Variants in OTOG observed in about 807,000 individuals in gnomAD.
The protein encoded by OTOG is otogelin.
OTOG carries 296 observed loss-of-function variants against 313.8 expected under a neutral mutation model. The ratio of observed to expected loss-of-function variants is 0.94; its 90% CI spans 0.86 to 1.04. OTOG has a LOEUF of 1.04. Among genes scored for constraint, OTOG ranks in the 50% least tolerant of loss-of-function variants. OTOG has a pLI of 0.00. For synonymous variants in OTOG, 1,533 were observed against 1,554.9 expected, an observed-to-expected ratio of 0.99 and a Z score of 0.33; for missense variants, 3,948 against 3,840.1, an observed-to-expected ratio of 1.03 and a Z score of -0.74.
chr11:17,577,310 G>A (rs1386939846), intron 22 of OTOG, among the ~76,000 whole-genome samples: 1 of 152,206 alleles, frequency 6.6e-6, no homozygotes, highest in African/African-American at 2.4e-5. Flanking sequence ...CACAGAGGTA[G>A]GCAGGACAGC....
chr11:17,596,180 T>C, intron 29 of OTOG, 26 bp downstream of exon 29: 1 of 1,488,166 alleles, frequency 6.7e-7, no homozygotes, highest in Non-Finnish European at 9.2e-7. Context: ...CCTCGGCTCC[T>C]CCCGAGTGCC....
At chr11:17,551,396 C>T (rs1459257684) in intron 3 of OTOG, among the ~76,000 whole-genome samples, 2 of 152,248 alleles carry the variant, frequency 1.3e-5, no homozygotes, top group East Asian at 1.9e-4. Flanking sequence ...GGTTTCTAAG[C>T]CACACACTTG....
chr11:17,638,300 G>C, intron 47 of OTOG, 151 bp from the exon 48 acceptor site: 1 of 653,028 alleles, frequency 1.5e-6, no homozygotes, highest in Non-Finnish European at 2.5e-6. Context: ...GAGACTTCGG[G>C]TGCCCAGACT....
Position 17,572,314 on chromosome 11 carries a change from G to T in OTOG, c.2080+110G>T, listed in dbSNP as rs144782711. 118 of 1,415,030 alleles carry T rather than the reference G, an allele frequency of 8.3e-5. No homozygotes were observed. In the African/African-American group the frequency reaches 1.5e-3, roughly 18 times the overall value. The allele number at this position is 1,415,030 out of a possible 1,614,324, so 87.7% of individuals were successfully genotyped here. A position where few individuals can be genotyped will look rare whatever the true frequency, so the allele number is the denominator to read the frequency against. The stretch of plus-strand genomic sequence containing the variant: ...AGGAGAGTGCTGGCCAAATTTGTAG[G>T]AGTGATAAGAGAAGGAGGAGCAGCA... On this transcript the variant is annotated intron_variant, in intron 18 of 55. Transcript: ENST00000399397.
intron 35 of OTOG, 144 bp from the exon 36 acceptor site, chr11:17,609,511 C>T: frequency 1.3e-6 from 1 of 797,128 alleles, no homozygotes; most frequent in Non-Finnish European, 2.0e-6. Flanking sequence ...GAGTCCAGAC[C>T]TGCTGACATC....
intron 17 of OTOG, among the ~76,000 whole-genome samples, chr11:17,571,260 C>G (rs1355111996): frequency 6.6e-6 from 1 of 152,150 alleles, no homozygotes; most frequent in Non-Finnish European, 1.5e-5. Flanking sequence ...TAGGGGGAGA[C>G]CTTGGTTTAG....
At position 17,635,198 on chromosome 11, in the gene OTOG, G is replaced by T; in HGVS notation, c.7693+11G>T. 6.5e-7 allele frequency: 1 copy of T among 1,530,312 alleles called. No individual in the cohort carries two copies. 94.8% of individuals were successfully genotyped at this position (1,530,312 alleles called of 1,614,324 possible). ...CCTCCTACTTCTGCGGTGGGTCGCC[G>T]CCACCAGACGCCAGCGCACACAGCC... On this transcript the variant is annotated intron_variant, in intron 46 of 55. Coordinates refer to ENST00000399397, the MANE Select transcript of OTOG (RefSeq NM_001292063.2).
chr11:17,580,340 T>C (rs933516727), intron 23 of OTOG, among the ~76,000 whole-genome samples: 4 of 152,198 alleles, frequency 2.6e-5, no homozygotes, highest in Non-Finnish European at 4.4e-5. Flanking sequence ...GCTCCTTCAT[T>C]TGTAAAATGG....
Position 17,609,817 on chromosome 11 carries a change from C to A in OTOG, c.4517C>A (p.Thr1506Asn), listed in dbSNP as rs1211039123. The A allele has an allele frequency of 1.9e-6, 3 of 1,542,276 alleles. No individual in the cohort carries two copies. The highest frequency in any genetic ancestry group is 1.8e-6 in the Non-Finnish European group (2 of 1,142,616). ...RPALTPAAPL[T>N]TALNPPVTAT... is the part of the protein sequence containing the mutation. ...GCCCTCACCCCAGCTGCCCCACTCACCACAGCCCTGAACCCACCAGTGACA... is the reference window on the plus strand; with the variant it reads ...GCCCTCACCCCAGCTGCCCCACTCAACACAGCCCTGAACCCACCAGTGACA... The change falls in exon 36 of 56, where the codon ACC (threonine) becomes AAC (asparagine). Residue 1506 changes from threonine to asparagine, a missense_variant. Thr to Asn is a moderately conservative substitution (Grantham distance 65). Transcript: ENST00000399397.
chr11:17,631,342 A>G (rs1354394109), intron 40 of OTOG, among the ~76,000 whole-genome samples: 3 of 135,384 alleles, frequency 2.2e-5, no homozygotes, highest in Non-Finnish European at 4.6e-5. Flanking sequence ...GATTTGCCCC[A>G]TTTGCTTCTC....
At chr11:17,594,284 C>A in intron 28 of OTOG, 118 bp downstream of exon 28, 1 of 1,288,248 alleles carries the variant, frequency 7.8e-7, no homozygotes, top group Non-Finnish European at 1.1e-6. Context: ...CTGCAATGTT[C>A]TCTCAGCCTC....
chr11:17,555,716 G>A lies in OTOG; in HGVS notation c.541-63G>A, dbSNP rs893490050. The A allele has an allele frequency of 8.9e-6, 12 of 1,342,498 alleles. No homozygotes were observed. In the African/African-American group the frequency reaches 1.6e-4, roughly 18 times the overall value. 83.2% of individuals were successfully genotyped at this position (1,342,498 alleles called of 1,614,324 possible). On this transcript the variant is annotated intron_variant, in intron 6 of 55. Transcript: ENST00000399397. ...GGCATTAGTGAAAACTCAATAAGGT[G>A]TGAAGCTCAGGGTCAGGCCTGTGGC...
Position 17,645,881 on chromosome 11 carries a change from C to A in OTOG, c.8679C>A (p.Thr2893=), listed in dbSNP as rs1271842145. The change falls in exon 56 of 56, where the codon ACC becomes ACA. Residue 2893 remains threonine, a synonymous_variant. Transcript: ENST00000399397. ...GCTCTGTGCAGCTCTTCTGTGCCAC[C>A]AATGCCACCTGGGTGCCCTATACAG... ...QRRSVQLFCA[T]NATWVPYTVQ... is the part of the protein sequence containing the mutation. 1.9e-6 allele frequency: 3 copies of A among 1,550,714 alleles called. No homozygotes were observed. The highest frequency in any genetic ancestry group is 4.9e-5 in the East Asian group (2 of 40,920).
At chr11:17,555,620 C>T in intron 6 of OTOG, 159 bp from the exon 7 acceptor site, 1 of 581,068 alleles carries the variant, frequency 1.7e-6, no homozygotes, top group Non-Finnish European at 3.0e-6. Context: ...TCCATTGCCT[C>T]CCCTCTGTGA....
At chr11:17,548,241 T>C (rs1023874428) in intron 3 of OTOG, 29 bp downstream of exon 3, 4 of 1,525,846 alleles carry the variant, frequency 2.6e-6, no homozygotes, top group South Asian at 1.2e-5. Context: ...GGGGGCTTCA[T>C]TGAGCAGGAG....
At chr11:17,549,574 G>T (rs1592057954) in intron 3 of OTOG, among the ~76,000 whole-genome samples, 1 of 152,192 alleles carries the variant, frequency 6.6e-6, no homozygotes, top group Non-Finnish European at 1.5e-5. Context: ...ACTTGTGGGG[G>T]CCCTGCAATG....
intron 39 of OTOG, among the ~76,000 whole-genome samples, chr11:17,627,337 G>T (rs1317745850): frequency 6.6e-6 from 1 of 151,912 alleles, no homozygotes. Flanking sequence ...AAGGGATGTT[G>T]AATTTTATTG....
At chr11:17,577,005 C>A in intron 22 of OTOG, 94 bp downstream of exon 22, 1 of 1,320,590 alleles carries the variant, frequency 7.6e-7, no homozygotes, top group Non-Finnish European at 1.0e-6. Flanking sequence ...GGCAAGCCCA[C>A]TCCAGGTTTT....
intron 35 of OTOG, 140 bp downstream of exon 35, chr11:17,609,349 A>G (rs1456147602): frequency 1.7e-5 from 13 of 771,146 alleles, no homozygotes; most frequent in Admixed American, 2.5e-5. Flanking sequence ...GCACAGGCAC[A>G]GGGGATGCAG....
Sources: allele counts gnomAD v4.1 joint callset (sites outside exome capture counted in the v4.1 genomes callset), GRCh38; gene constraint gnomAD v4.1.1; transcripts MANE v1.5; gene names NCBI Gene and HGNC (gene_info 2026-07-23, HGNC 2026-07-21).